The following ANKMY1 variants were observed in gnomAD, a reference collection of about 807,000 sequenced individuals.
ANKMY1 encodes ankyrin repeat and MYND domain containing 1.
Under a neutral mutation model 102.0 loss-of-function variants are expected in ANKMY1, and 98 were observed. The ratio of observed to expected loss-of-function variants is 0.96; its 90% CI spans 0.82 to 1.14. ANKMY1 has a LOEUF of 1.14. ANKMY1 is among the 50% of genes most tolerant of loss of function. The pLI, the probability that ANKMY1 is intolerant of heterozygous loss-of-function variation, is 0.00. For synonymous variants in ANKMY1, 582 were observed against 559.9 expected, an observed-to-expected ratio of 1.04 and a Z score of -0.56; for missense variants, 1,330 against 1,347.6, an observed-to-expected ratio of 0.99 and a Z score of 0.20.
At chr2:240,468,877 C>T in the ANKMY1 span, among the ~76,000 whole-genome samples, 3 of 152,158 alleles carry the variant, frequency 2.0e-5, no homozygotes, top group South Asian at 2.1e-4. Flanking sequence ...CCGGGCAGGA[C>T]GAAGGGCTGC....
Position 240,509,415 on chromosome 2 carries a change from G to T in ANKMY1, c.2327C>A (p.Ala776Glu). 1 of 1,613,778 alleles carries T rather than the reference G, an allele frequency of 6.2e-7. No homozygotes were observed. Among genetic ancestry groups the T allele is most frequent in the Non-Finnish European group, 8.5e-7 (1 of 1,179,856 alleles). The part of the protein sequence containing the change: ...DIVRLLLSHG[A>E]NPNLLWSGHS... ...GCCACTCCACAGCAGGTTAGGATTT[G>T]CTCCGTGGGATAGAAGGAGCCGGAC... The change falls in exon 12 of 18, where the codon GCA becomes GAA. Residue 776 changes from alanine (A) to glutamate (E), a missense_variant. Transcript: ENST00000401804.
In ANKMY1 at chr2:240,515,891, T is replaced by G. The variant is rs1167842876; in HGVS notation, c.2005-2949A>C. Among the ~76,000 whole-genome samples, 7 of 151,660 alleles carry G rather than the reference T, an allele frequency of 4.6e-5. No individual in the cohort carries two copies. In the East Asian group the frequency reaches 1.4e-3, roughly 30 times the overall value. Reference sequence around the variant, plus strand: ...CGCCACCATGCCCGGCTAATTTTTTTTTTTTTGTATTTTTAGTAGAGACAG... The same window carrying G: ...CGCCACCATGCCCGGCTAATTTTTTGTTTTTTGTATTTTTAGTAGAGACAG... On this transcript the variant is annotated intron_variant, in intron 9 of 17. Coordinates refer to ENST00000401804, the MANE Select transcript of ANKMY1 (RefSeq NM_001282771.3).
chr2:240,510,919 G>A (rs991114103), intron 11 of ANKMY1, among the ~76,000 whole-genome samples: 3 of 151,998 alleles, frequency 2.0e-5, no homozygotes, highest in Admixed American at 6.5e-5. Flanking sequence ...CGTCCTTCAC[G>A]GTGGGAGCCT....
At chr2:240,539,678 G>C (rs1157992927) in intron 4 of ANKMY1, among the ~76,000 whole-genome samples, 3 of 152,164 alleles carry the variant, frequency 2.0e-5, no homozygotes, top group Non-Finnish European at 4.4e-5. Context: ...GCAATAAAAA[G>C]GAACCAACTC....
chr2:240,550,527 A>G (rs1300469070), intron 4 of ANKMY1, among the ~76,000 whole-genome samples: 1 of 151,872 alleles, frequency 6.6e-6, no homozygotes, highest in Non-Finnish European at 1.5e-5. Flanking sequence ...AATAAATTTA[A>G]AAAAAAAGAT....
intron 16 of ANKMY1, 131 bp from the exon 17 acceptor site, chr2:240,481,228 A>G (rs867633817): frequency 6.9e-6 from 8 of 1,163,452 alleles, no homozygotes; most frequent in Non-Finnish European, 9.4e-6. Context: ...TGTCCCCTGC[A>G]TTGGGCAGCC....
intron 9 of ANKMY1, among the ~76,000 whole-genome samples, chr2:240,519,042 G>A (rs932058656): frequency 6.6e-6 from 1 of 152,178 alleles, no homozygotes; most frequent in Non-Finnish European, 1.5e-5. Flanking sequence ...GTGCTGAAAC[G>A]ATGGACGAGT....
Position 240,529,545 on chromosome 2 carries a change from C to T in ANKMY1, c.481-36G>A, listed in dbSNP as rs199574776. The T allele has an allele frequency of 2.2e-5, 34 of 1,538,462 alleles. No individual in the cohort carries two copies. The highest frequency in any genetic ancestry group is 2.1e-4 in the Middle Eastern group (1 of 4,656). On this transcript the variant is annotated intron_variant, in intron 4 of 17. Coordinates refer to ENST00000401804, the MANE Select transcript of ANKMY1 (RefSeq NM_001282771.3). This position sits in a 1 kb window ranked among gnomAD's most constrained non-coding sequence, Gnocchi z 4.2. Reference sequence around the variant, plus strand: ...AGCGCAATAGACCGAGGAGAGATAACGCGACCCAGCTGCACATGTGATCAT... The same window carrying T: ...AGCGCAATAGACCGAGGAGAGATAATGCGACCCAGCTGCACATGTGATCAT...
chr2:240,500,272 G>A (rs999826967), intron 14 of ANKMY1, 149 bp from the exon 15 acceptor site: 3 of 1,201,100 alleles, frequency 2.5e-6, no homozygotes, highest in Non-Finnish European at 3.4e-6. Context: ...AGCACATACA[G>A]CTGCACCTGG....
chr2:240,501,837 C>G (rs950446944), intron 13 of ANKMY1, among the ~76,000 whole-genome samples: 3 of 152,204 alleles, frequency 2.0e-5, no homozygotes, highest in Admixed American at 6.5e-5. Context: ...CCAAGTGAGG[C>G]CAGGCAAGGC....
intron 4 of ANKMY1, among the ~76,000 whole-genome samples, chr2:240,535,467 G>A (rs1272245855): frequency 3.9e-5 from 6 of 152,126 alleles, no homozygotes; most frequent in Admixed American, 2.0e-4. Flanking sequence ...CTGGCTCTTA[G>A]GTGATTATCT....
At chr2:240,489,456 C>CA (rs34868627) in intron 15 of ANKMY1, among the ~76,000 whole-genome samples, 21,506 of 137,338 alleles carry the variant, frequency 0.16, 1,930 homozygotes, top group African/African-American at 0.25. Flanking sequence ...GACTCTATCT[C>CA]AAAAAAAAAA....
the ANKMY1 span, among the ~76,000 whole-genome samples, chr2:240,473,952 G>C: frequency 6.6e-6 from 1 of 152,096 alleles, no homozygotes; most frequent in South Asian, 2.1e-4. Flanking sequence ...CTAAGATCAC[G>C]AACAAGACAA....
At chr2:240,560,999 C>A, upstream of ANKMY1, 1 of 1,538,632 alleles carries the variant, frequency 6.5e-7, no homozygotes, top group South Asian at 1.2e-5. Flanking sequence ...ACTGCAAGAA[C>A]GGCCGCAGCC....
chr2:240,478,510 T>TGG (rs2075010114), downstream of ANKMY1, among the ~76,000 whole-genome samples: 1 of 152,052 alleles, frequency 6.6e-6, no homozygotes, highest in Non-Finnish European at 1.5e-5. Context: ...CTCACACAGT[T>TGG]ACGACCCTCC....
intron 4 of ANKMY1, among the ~76,000 whole-genome samples, chr2:240,539,926 T>C (rs1048285131): frequency 6.6e-6 from 1 of 152,182 alleles, no homozygotes; most frequent in Non-Finnish European, 1.5e-5. Flanking sequence ...TTTTGGAGTT[T>C]AGACACAACT....
At chr2:240,526,770 A>C in intron 5 of ANKMY1, 1 of 1,263,708 alleles carries the variant, frequency 7.9e-7, no homozygotes. Context: ...TGTAACAGCA[A>C]AGGCCCTGGG....
chr2:240,501,926 T>C (rs1004698124), intron 13 of ANKMY1, among the ~76,000 whole-genome samples: 1 of 152,178 alleles, frequency 6.6e-6, no homozygotes, highest in Non-Finnish European at 1.5e-5. Context: ...GAGACCCCCA[T>C]CGTCTTCACT....
Position 240,520,492 on chromosome 2 carries a change from C to G in ANKMY1, c.1874G>C (p.Arg625Pro). 2.5e-6 allele frequency: 4 copies of G among 1,613,248 alleles called. No individual in the cohort carries two copies. The highest frequency in any genetic ancestry group is 3.4e-6 in the Non-Finnish European group (4 of 1,179,714). The change falls in exon 9 of 18, where the codon CGG becomes CCG. Residue 625 changes from arginine to proline, a missense_variant. By Grantham distance (103) the Arg-to-Pro change is moderately radical. Transcript: ENST00000401804. This position sits in a 1 kb window ranked among gnomAD's most constrained non-coding sequence, Gnocchi z 4.8. ...RWRTIKLLLR[R>P]GADPNLCCVP... Reference sequence around the variant, plus strand: ...GCAGCACAGGTTGGGGTCCGCGCCCCGGCGCAGCAGCAGCTTGATGGTCCG... The same window carrying G: ...GCAGCACAGGTTGGGGTCCGCGCCCGGGCGCAGCAGCAGCTTGATGGTCCG...
Sources: allele counts gnomAD v4.1 joint callset (sites outside exome capture counted in the v4.1 genomes callset), GRCh38; gene constraint gnomAD v4.1.1; non-coding constraint Gnocchi (gnomAD v3.1); transcripts MANE v1.5; gene names NCBI Gene and HGNC (gene_info 2026-07-23, HGNC 2026-07-21).